Variants in MCF2L2 observed in about 807,000 individuals in gnomAD.
MCF2L2 encodes probable guanine nucleotide exchange factor MCF2L2.
In MCF2L2, 102 loss-of-function variants were observed where a neutral mutation model predicts 150.2. The observed-to-expected ratio is 0.68, with a 90% CI of 0.58 to 0.80. The LOEUF (loss-of-function observed/expected upper bound fraction) is 0.80. MCF2L2 is among the 30% of genes least tolerant of loss of function. The pLI is 0.00. For synonymous variants in MCF2L2, 465 were observed against 491.3 expected, an observed-to-expected ratio of 0.95 and a Z score of 0.71; for missense variants, 1,256 against 1,372.8, an observed-to-expected ratio of 0.91 and a Z score of 1.34.
At chr3:183,293,643 C>A (rs540945185) in intron 13 of MCF2L2, among the ~76,000 whole-genome samples, 158 of 152,322 alleles carry the variant, frequency 1.0e-3, no homozygotes, top group African/African-American at 3.7e-3. Context: ...GAAACTTGAA[C>A]TCTTTTCCTA....
At chr3:183,334,196 T>C (rs1367397594) in intron 5 of MCF2L2, among the ~76,000 whole-genome samples, 3 of 151,950 alleles carry the variant, frequency 2.0e-5, no homozygotes, top group Non-Finnish European at 4.4e-5. Flanking sequence ...ATGATGAGAG[T>C]GCTGGAGTTG....
At chr3:183,326,492 C>CAAAAAAAAAAAAAAAAAA (rs890481068) in intron 5 of MCF2L2, among the ~76,000 whole-genome samples, 1 of 39,424 alleles carries the variant, frequency 2.5e-5, no homozygotes, top group Non-Finnish European at 4.6e-5. Context: ...AACTCCGTCT[C>CAAAAAAAAAAAAAAAAAA]AAAAAAAAAA....
At chr3:183,322,869 C>T (rs935683435) in intron 6 of MCF2L2, among the ~76,000 whole-genome samples, 9 of 152,034 alleles carry the variant, frequency 5.9e-5, no homozygotes, top group East Asian at 1.9e-4. Context: ...TATGTATGTA[C>T]GTTAGAATCA....
chr3:183,342,285 C>T (rs768609216), intron 3 of MCF2L2, among the ~76,000 whole-genome samples: 6 of 152,074 alleles, frequency 3.9e-5, no homozygotes, highest in African/African-American at 9.7e-5. Context: ...GGAAGAAGCA[C>T]GGTACAGAGG....
intron 5 of MCF2L2, among the ~76,000 whole-genome samples, chr3:183,335,498 T>C (rs1730440431): frequency 6.6e-6 from 1 of 152,086 alleles, no homozygotes; most frequent in Non-Finnish European, 1.5e-5. Context: ...AAGGTAATGA[T>C]ATTGGAAGGT....
chr3:183,399,042 G>A (rs1714609253), intron 1 of MCF2L2, among the ~76,000 whole-genome samples: 1 of 151,958 alleles, frequency 6.6e-6, no homozygotes, highest in African/African-American at 2.4e-5. Flanking sequence ...ATAAAATTAG[G>A]GCAATCATAT....
chr3:183,265,346 T>C (rs1725996358), intron 15 of MCF2L2: 1 of 152,332 alleles, frequency 6.6e-6, no homozygotes, highest in South Asian at 2.1e-4. Context: ...AGCTGCGCAT[T>C]CGGCATTGGG....
Position 183,219,479 on chromosome 3 carries a change from C to T in MCF2L2, c.2370+377G>A, listed in dbSNP as rs1723064583. Reference sequence around the variant, plus strand: ...TAAAAAAATTAGCTGTGCATGGTGGCGGGCACCTGTAATCCCAGCTACTTG... The same window carrying T: ...TAAAAAAATTAGCTGTGCATGGTGGTGGGCACCTGTAATCCCAGCTACTTG... On this transcript the variant is annotated intron_variant, in intron 21 of 29. Coordinates refer to ENST00000328913, the MANE Select transcript of MCF2L2 (RefSeq NM_015078.4). Among the ~76,000 whole-genome samples the T allele has an allele frequency of 2.0e-5, 3 of 152,074 alleles. No individual in the cohort carries two copies. In the East Asian group the frequency reaches 5.8e-4, roughly 29 times the overall value.
At chr3:183,390,998 A>C (rs1322777051) in intron 1 of MCF2L2, among the ~76,000 whole-genome samples, 6 of 152,236 alleles carry the variant, frequency 3.9e-5, no homozygotes, top group Non-Finnish European at 7.3e-5. Flanking sequence ...CATGAACCAA[A>C]CAACCTGTGC....
chr3:183,258,923 A>G (rs1436312032), intron 15 of MCF2L2, among the ~76,000 whole-genome samples: 1 of 152,182 alleles, frequency 6.6e-6, no homozygotes, highest in African/African-American at 2.4e-5. Flanking sequence ...ATTACTTATA[A>G]TAACTAATGC....
chr3:183,249,295 A>G (rs979297569), intron 15 of MCF2L2, among the ~76,000 whole-genome samples: 6 of 152,020 alleles, frequency 3.9e-5, no homozygotes, highest in Non-Finnish European at 8.8e-5. Context: ...ATGCTGAGAC[A>G]CTCACTGCCA....
intron 5 of MCF2L2, among the ~76,000 whole-genome samples, chr3:183,335,520 G>A (rs556786791): frequency 1.9e-4 from 29 of 152,224 alleles, no homozygotes; most frequent in African/African-American, 6.7e-4. Context: ...GGGCTAGGAG[G>A]TGATTAGGTT....
At chr3:183,281,765 G>C (rs1172051676) in intron 14 of MCF2L2, among the ~76,000 whole-genome samples, 2 of 152,112 alleles carry the variant, frequency 1.3e-5, no homozygotes, top group Admixed American at 1.3e-4. Context: ...CCCCGTTGGA[G>C]GGGAAGGGCA....
chr3:183,241,250 TAGA>T (rs1724014822), intron 15 of MCF2L2, among the ~76,000 whole-genome samples: 1 of 152,104 alleles, frequency 6.6e-6, no homozygotes, highest in Non-Finnish European at 1.5e-5. Flanking sequence ...TAAGGGGGAA[TAGA>T]AGAAGGAGGT....
chr3:183,291,638 A>T (rs780205392), intron 13 of MCF2L2, among the ~76,000 whole-genome samples: 4 of 152,180 alleles, frequency 2.6e-5, no homozygotes, highest in African/African-American at 9.7e-5. Flanking sequence ...CTTGGCACAG[A>T]CTCAGTTACT....
At chr3:183,393,702 T>C (rs1357823469) in intron 1 of MCF2L2, among the ~76,000 whole-genome samples, 2 of 152,172 alleles carry the variant, frequency 1.3e-5, no homozygotes, top group African/African-American at 4.8e-5. Flanking sequence ...ACCTCCAGAC[T>C]CTTACGCGAT....
intron 14 of MCF2L2, among the ~76,000 whole-genome samples, chr3:183,280,403 T>C (rs905520296): frequency 6.6e-6 from 1 of 152,126 alleles, no homozygotes. Context: ...TGATTTTCAA[T>C]CGATTATTGA....
chr3:183,313,576 TG>T (rs1348423820), intron 7 of MCF2L2, among the ~76,000 whole-genome samples: 1 of 152,234 alleles, frequency 6.6e-6, no homozygotes, highest in African/African-American at 2.4e-5. Context: ...GACGGAAAGA[TG>T]GAGCAACTAC....
At chr3:183,242,404 G>C (rs934203797) in intron 15 of MCF2L2, among the ~76,000 whole-genome samples, 4 of 152,220 alleles carry the variant, frequency 2.6e-5, no homozygotes, top group Non-Finnish European at 5.9e-5. Context: ...TGGTTTTGTG[G>C]GCCCAGCCCG....
Sources: gnomAD v4.1 joint callset for allele counts (sites outside exome capture counted in the v4.1 genomes callset) on GRCh38, gnomAD v4.1.1 for gene constraint, MANE v1.5 for transcripts, NCBI Gene and HGNC (gene_info 2026-07-23, HGNC 2026-07-21) for gene names.